The following CSNK2A2 variants were observed in gnomAD, a reference collection of about 807,000 sequenced individuals.
The protein encoded by CSNK2A2 is casein kinase II subunit alpha'.
In CSNK2A2, 8 loss-of-function variants were observed where a neutral mutation model predicts 54.0. The ratio of observed to expected loss-of-function variants is 0.15; its 90% CI spans 0.09 to 0.27. CSNK2A2 has a LOEUF of 0.27. Ranked by LOEUF, CSNK2A2 falls within the 10% of genes least tolerant of loss-of-function variation. The probability of loss-of-function intolerance (pLI) is 1.00; values close to 1 mark genes in which losing one functional copy is unlikely to be tolerated. For synonymous variants in CSNK2A2, 141 were observed against 153.9 expected (o/e 0.92, Z 0.62); for missense variants, 242 against 439.4 (o/e 0.55, Z 4.02).
At chr16:58,182,374 CAAAAAAA>C (rs71155249) in intron 4 of CSNK2A2, among the ~76,000 whole-genome samples, 359 of 25,734 alleles carry the variant, frequency 0.014, 1 homozygote, top group African/African-American at 0.072. Context: ...CTAAATATAC[CAAAAAAA>C]AAAAAAAAAA....
chr16:58,184,871 C>T (rs535668510), intron 3 of CSNK2A2, among the ~76,000 whole-genome samples: 6 of 152,146 alleles, frequency 3.9e-5, no homozygotes, highest in East Asian at 1.9e-4. Flanking sequence ...TATAACCATC[C>T]GTGATATTAT....
chr16:58,165,827 T>A, intron 9 of CSNK2A2, 119 bp from the exon 10 acceptor site: 1 of 1,082,216 alleles, frequency 9.2e-7, no homozygotes, highest in Non-Finnish European at 1.3e-6. Flanking sequence ...TTGTTAAATC[T>A]CTAACTGGTG....
chr16:58,196,865 C>T, intron 1 of CSNK2A2, 21 bp from the exon 2 acceptor site: 1 of 1,490,396 alleles, frequency 6.7e-7, no homozygotes, highest in Non-Finnish European at 9.4e-7. Context: ...AAGACACACA[C>T]ATAAATGCCA....
intron 5 of CSNK2A2, 45 bp from the exon 6 acceptor site, chr16:58,168,738 C>A: frequency 7.1e-7 from 1 of 1,411,600 alleles, no homozygotes; most frequent in South Asian, 1.2e-5. Context: ...ACCCCTCTAC[C>A]ATCCCCCAAC....
chr16:58,189,659 A>G (rs1222282846), intron 2 of CSNK2A2, among the ~76,000 whole-genome samples: 1 of 152,184 alleles, frequency 6.6e-6, no homozygotes, highest in Non-Finnish European at 1.5e-5. Flanking sequence ...TAAACTTCCC[A>G]AACTAGAGAC....
At chr16:58,173,673 T>C (rs1436349177) in intron 5 of CSNK2A2, among the ~76,000 whole-genome samples, 1 of 152,168 alleles carries the variant, frequency 6.6e-6, no homozygotes, top group Non-Finnish European at 1.5e-5. Flanking sequence ...GGAAGACTCA[T>C]GCAAGAAGGG....
At chr16:58,178,069 C>T (rs1961926471) in intron 4 of CSNK2A2, among the ~76,000 whole-genome samples, 1 of 152,092 alleles carries the variant, frequency 6.6e-6, no homozygotes, top group Non-Finnish European at 1.5e-5. Flanking sequence ...ATTAAGGAAA[C>T]TATTTAGTCT....
intron 7 of CSNK2A2, 122 bp downstream of exon 7, chr16:58,167,563 A>C (rs1961603182): frequency 4.0e-6 from 3 of 753,380 alleles, no homozygotes; most frequent in Non-Finnish European, 6.4e-6. Flanking sequence ...AACTAAAATC[A>C]GCATTTTAGG....
intron 4 of CSNK2A2, among the ~76,000 whole-genome samples, chr16:58,181,609 T>C (rs150323920): frequency 1.6e-3 from 238 of 151,774 alleles, no homozygotes; most frequent in Non-Finnish European, 2.5e-3. Context: ...AGTGAGAAAA[T>C]AGAAGGTATT....
At chr16:58,165,435 G>T in intron 10 of CSNK2A2, 125 bp downstream of exon 10, 1 of 1,054,336 alleles carries the variant, frequency 9.5e-7, no homozygotes, top group Non-Finnish European at 1.3e-6. Flanking sequence ...GATAAATGAG[G>T]CCAAATTCTA....
intron 8 of CSNK2A2, 99 bp from the exon 9 acceptor site, chr16:58,166,783 A>C: frequency 1.2e-6 from 1 of 827,132 alleles, no homozygotes; most frequent in Non-Finnish European, 2.0e-6. Flanking sequence ...CCACACCACT[A>C]AACCTCTAGG....
intron 2 of CSNK2A2, among the ~76,000 whole-genome samples, chr16:58,189,710 C>T (rs770449598): frequency 1.3e-5 from 2 of 152,126 alleles, no homozygotes; most frequent in Non-Finnish European, 2.9e-5. Context: ...ACAAAGGAGT[C>T]CCAAGTCACA....
chr16:58,158,604 CGT>C (rs1961222392), intron 11 of CSNK2A2, among the ~76,000 whole-genome samples: 2 of 152,300 alleles, frequency 1.3e-5, no homozygotes, highest in South Asian at 4.1e-4. Context: ...CTGGGCACCA[CGT>C]GTGTTGTGAC....
chr16:58,167,362 G>C (rs1323850260), intron 7 of CSNK2A2, 54 bp from the exon 8 acceptor site: 1 of 1,397,660 alleles, frequency 7.2e-7, no homozygotes, highest in Non-Finnish European at 9.9e-7. Context: ...CCATTTTTCT[G>C]ATATAAATTT....
chr16:58,161,049 C>A (rs562500510), intron 11 of CSNK2A2: 2 of 152,310 alleles, frequency 1.3e-5, no homozygotes, highest in South Asian at 4.2e-4. Context: ...CTTCTCCTAC[C>A]CAGCCACCTA....
At chr16:58,192,180 C>G (rs1170190595) in intron 2 of CSNK2A2, among the ~76,000 whole-genome samples, 2 of 152,156 alleles carry the variant, frequency 1.3e-5, no homozygotes, top group Non-Finnish European at 2.9e-5. Flanking sequence ...GAAACTAGTT[C>G]TGGAACTCAA....
chr16:58,185,073 C>T (rs1000666911), intron 3 of CSNK2A2, among the ~76,000 whole-genome samples: 2 of 151,894 alleles, frequency 1.3e-5, no homozygotes, highest in African/African-American at 4.8e-5. Context: ...TAACAGGATT[C>T]CTTAATTGAA....
At chr16:58,171,002 C>G (rs986990865) in intron 5 of CSNK2A2, among the ~76,000 whole-genome samples, 1 of 152,026 alleles carries the variant, frequency 6.6e-6, no homozygotes, top group South Asian at 2.1e-4. Flanking sequence ...ACCACTAGAG[C>G]CCCCCTCCAG....
At chr16:58,184,854 A>C (rs1200661413) in intron 3 of CSNK2A2, among the ~76,000 whole-genome samples, 2 of 152,190 alleles carry the variant, frequency 1.3e-5, no homozygotes, top group Non-Finnish European at 2.9e-5. Context: ...GGGGTCCAAA[A>C]GGAAAATATA....
Sources: allele counts gnomAD v4.1 joint callset (sites outside exome capture counted in the v4.1 genomes callset), GRCh38; gene constraint gnomAD v4.1.1; transcripts MANE v1.5; gene names NCBI Gene and HGNC (gene_info 2026-07-23, HGNC 2026-07-21).